Variants in S100A1 observed in about 807,000 individuals in gnomAD.
S100A1 encodes the protein S100 calcium binding protein A1, also known as protein S100-A1.
In S100A1, 3 loss-of-function variants were observed where a neutral mutation model predicts 7.6. The ratio of observed to expected loss-of-function variants is 0.40; its 90% CI spans 0.18 to 1.02. S100A1 has a LOEUF of 1.02. Among genes scored for constraint, S100A1 ranks in the 50% least tolerant of loss-of-function variants. The pLI is 0.35. For synonymous variants in S100A1, 49 were observed against 49.0 expected (o/e 1.00, Z 0.00); for missense variants, 126 against 115.0 (o/e 1.10, Z -0.44).
chr1:153,628,678 G>C (rs904044023), intron 1 of S100A1, 182 bp downstream of exon 1: 5 of 1,053,334 alleles, frequency 4.7e-6, no homozygotes, highest in Non-Finnish European at 6.6e-6. Flanking sequence ...GTGGTGATGA[G>C]AGACAAATGA....
At chr1:153,630,199 G>A in intron 1 of S100A1, 1 of 444,314 alleles carries the variant, frequency 2.3e-6, no homozygotes, top group South Asian at 6.1e-5. Flanking sequence ...TCCCTGCCTG[G>A]GCAGCCACTG....
chr1:153,630,791 T>C lies in S100A1; in HGVS notation c.141+129T>C, dbSNP rs563181963. Reference sequence around the variant, plus strand: ...CTCTTTCTTTCCTTTCCCAGGCTTCTCTCCTGGGTTTTTCCAGGCTCCCCT... The same window carrying C: ...CTCTTTCTTTCCTTTCCCAGGCTTCCCTCCTGGGTTTTTCCAGGCTCCCCT... On this transcript the variant is annotated intron_variant, in intron 2 of 2. Transcript: ENST00000292169. 12 of 1,281,062 alleles carry C rather than the reference T, an allele frequency of 9.4e-6. No individual in the cohort carries two copies. In the South Asian group the frequency reaches 1.7e-4, roughly 18 times the overall value. 79.4% of individuals were successfully genotyped at this position (1,281,062 alleles called of 1,614,324 possible).
rs751778242 is a variant in S100A1 at position 153,630,573 on chromosome 1, G to A, written c.52G>A (p.Ala18Thr). The A allele has an allele frequency of 2.1e-5, 34 of 1,614,120 alleles. No homozygotes were observed. The highest frequency in any genetic ancestry group is 5.0e-5 in the Admixed American group (3 of 60,012). ...AMETLINVFH[A>T]HSGKEGDKYK... ...GGAGACCCTCATCAACGTGTTCCAC[G>A]CCCACTCGGGCAAAGAGGGGGACAA... Residue 18 changes from alanine (A) to threonine (T), a missense_variant, in exon 2 of 3, where the codon GCC becomes ACC. Ala to Thr is a moderately conservative substitution (Grantham distance 58). Transcript: ENST00000292169.
chr1:153,628,858 C>T, intron 1 of S100A1: 1 of 272,730 alleles, frequency 3.7e-6, no homozygotes, highest in Non-Finnish European at 7.1e-6. Context: ...CCTGCCTCGC[C>T]TCCTGTGGGG....
intron 2 of S100A1, 72 bp downstream of exon 2, chr1:153,630,734 A>G: frequency 1.3e-6 from 2 of 1,558,458 alleles, no homozygotes; most frequent in Non-Finnish European, 1.8e-6. Flanking sequence ...CCCCCTTGCT[A>G]TCTCCCCACC....
chr1:153,630,435 G>A (rs1667937850), intron 1 of S100A1, 74 bp from the exon 2 acceptor site: 11 of 1,559,682 alleles, frequency 7.1e-6, no homozygotes, highest in Non-Finnish European at 9.6e-6. Context: ...GGCCAGTCCT[G>A]AGGGTTCCCC....
rs1362710905 is a variant in S100A1, at chr1:153,630,652, G to A, written c.131G>A (p.Gly44Asp). Residue 44 changes from glycine (G) to aspartate (D), a missense_variant, in exon 2 of 3, where the codon GGC becomes GAC. Transcript: ENST00000292169. ...GAGCTGCTGCAGACGGAGCTCTCTGGCTTCCTGGATGTGAGCATAGAGTGG... is the reference window on the plus strand; with the variant it reads ...GAGCTGCTGCAGACGGAGCTCTCTGACTTCCTGGATGTGAGCATAGAGTGG... ...LKELLQTELS[G>D]FLDAQKDVDA... 1 of 1,614,188 alleles carries A rather than the reference G, an allele frequency of 6.2e-7. No individual in the cohort carries two copies. Among genetic ancestry groups the A allele is most frequent in the Non-Finnish European group, 8.5e-7 (1 of 1,180,018 alleles).
chr1:153,630,325 G>C, intron 1 of S100A1, 184 bp from the exon 2 acceptor site: 2 of 700,246 alleles, frequency 2.9e-6, no homozygotes, highest in South Asian at 4.1e-5. Context: ...GAACAGGCCT[G>C]CACTTAGGTC....
intron 1 of S100A1, chr1:153,629,586 C>G (rs908364423): frequency 3.9e-5 from 6 of 152,554 alleles, no homozygotes; most frequent in African/African-American, 1.4e-4. Context: ...TCTTCTCCTA[C>G]TCTCTCCCAG....
rs1190776211 is a variant in S100A1, at chr1:153,631,691, A to T, written c.142-7A>T. On this transcript the variant is annotated splice_polypyrimidine_tract_variant and splice_region_variant and intron_variant, in intron 2 of 2. Coordinates refer to ENST00000292169, the MANE Select transcript of S100A1 (RefSeq NM_006271.2). ...TACACCTCCCTCTTCCTCTCCTCCC[A>T]CCACAGGCCCAGAAGGATGTGGATG... 1 of 1,613,830 alleles carries T rather than the reference A, an allele frequency of 6.2e-7. No individual in the cohort carries two copies. The highest frequency in any genetic ancestry group is 8.5e-7 in the Non-Finnish European group (1 of 1,179,922).
At chr1:153,630,809 G>C in intron 2 of S100A1, 147 bp downstream of exon 2, 2 of 1,082,686 alleles carry the variant, frequency 1.8e-6, no homozygotes, top group Non-Finnish European at 2.6e-6. Flanking sequence ...GTTTTTCCAG[G>C]CTCCCCTACT....
chr1:153,630,808 G>A (rs1481972817), intron 2 of S100A1, 146 bp downstream of exon 2: 1 of 1,118,498 alleles, frequency 8.9e-7, no homozygotes, highest in Non-Finnish European at 1.3e-6. Flanking sequence ...GGTTTTTCCA[G>A]GCTCCCCTAC....
intron 2 of S100A1, chr1:153,631,217 G>A: frequency 2.0e-6 from 1 of 498,840 alleles, no homozygotes; most frequent in Non-Finnish European, 3.6e-6. Context: ...GCTAACCAGG[G>A]CCCCAAAGTA....
At chr1:153,631,238 A>T in intron 2 of S100A1, 1 of 539,320 alleles carries the variant, frequency 1.9e-6, no homozygotes, top group East Asian at 3.1e-5. Context: ...AAGAAGCCTC[A>T]GGATACGGTA....
rs1668028128 is a variant in S100A1, at chr1:153,631,831, A to G, written c.275A>G (p.Glu92Gly). Residue 92 changes from glutamate to glycine, a missense_variant, in exon 3 of 3, where the codon GAG becomes GGG. By Grantham distance (98) the Glu-to-Gly change is moderately conservative (BLOSUM62 -2). Transcript: ENST00000292169. ...GTGGCCTGTAACAATTTCTTCTGGGAGAACAGTTGAGCAGACAGCCACATT... is the reference window on the plus strand; with the variant it reads ...GTGGCCTGTAACAATTTCTTCTGGGGGAACAGTTGAGCAGACAGCCACATT... ...LTVACNNFFW[E>G]NS 3 of 1,613,842 alleles carry G rather than the reference A, an allele frequency of 1.9e-6. No individual in the cohort carries two copies. The highest frequency in any genetic ancestry group is 2.5e-6 in the Non-Finnish European group (3 of 1,179,990).
At chr1:153,631,484 C>G in intron 2 of S100A1, 1 of 1,604,142 alleles carries the variant, frequency 6.2e-7, no homozygotes, top group East Asian at 2.2e-5. Context: ...CATACGGTAA[C>G]TGGTGTCATT....
At chr1:153,630,141 A>G in intron 1 of S100A1, 1 of 350,764 alleles carries the variant, frequency 2.9e-6, no homozygotes, top group East Asian at 4.4e-5. Context: ...AGCCAGAGGA[A>G]GCATGGCCCA....
chr1:153,631,539 G>A, intron 2 of S100A1, 159 bp from the exon 3 acceptor site: 3 of 1,613,884 alleles, frequency 1.9e-6, no homozygotes, highest in African/African-American at 2.7e-5. Flanking sequence ...GTAGGCAACA[G>A]AAGCCCTCAA....
chr1:153,630,497 G>C lies in S100A1; in HGVS notation c.-13-12G>C. 6.2e-7 allele frequency: 1 copy of C among 1,612,932 alleles called. No homozygotes were observed. Among genetic ancestry groups the C allele is most frequent in the Non-Finnish European group, 8.5e-7 (1 of 1,179,268 alleles). On this transcript the variant is annotated splice_polypyrimidine_tract_variant and intron_variant, in intron 1 of 2. Transcript: ENST00000292169. ...CTGGTCCTCAGCTCACTTCCATGAT[G>C]GGGGTGGGTAGGTGCACTGCTGCAA...
Sources: gnomAD v4.1 joint callset for allele counts on GRCh38, gnomAD v4.1.1 for gene constraint, MANE v1.5 for transcripts, NCBI Gene and HGNC (gene_info 2026-07-23, HGNC 2026-07-21) for gene names.